ATP2B1: variants seen among roughly 807,000 people sequenced by gnomAD.
ATP2B1 encodes the protein plasma membrane calcium-transporting ATPase 1.
In ATP2B1, 14 loss-of-function variants were observed where a neutral mutation model predicts 124.2. That is an observed-to-expected ratio of 0.11 (90% CI 0.07 to 0.18). ATP2B1 has a LOEUF of 0.18. Among genes scored for constraint, ATP2B1 ranks in the 10% least tolerant of loss-of-function variants. The pLI is 1.00. For missense variants in ATP2B1, 763 were observed against 1,466.1 expected (o/e 0.52, Z 7.83); for synonymous variants, 449 against 492.4 (o/e 0.91, Z 1.17).
chr12:89,664,973 G>A (rs569166186), intron 1 of ATP2B1, among the ~76,000 whole-genome samples: 3 of 151,876 alleles, frequency 2.0e-5, no homozygotes, highest in Non-Finnish European at 4.4e-5. Context: ...TGGGATTACA[G>A]GCATGCACCA....
At chr12:89,652,336 G>T (rs550929861) in intron 2 of ATP2B1, among the ~76,000 whole-genome samples, 10 of 152,126 alleles carry the variant, frequency 6.6e-5, no homozygotes, top group Middle Eastern at 3.4e-3. Flanking sequence ...TAACTGCCAG[G>T]CCCCACCACC....
chr12:89,589,973 C>G lies in ATP2B1; in HGVS notation c.*1011G>C, dbSNP rs762169278. The G allele has an allele frequency of 2.0e-5, 3 of 152,416 alleles. No homozygotes were observed. Among genetic ancestry groups the G allele is most frequent in the Non-Finnish European group, 4.4e-5 (3 of 67,956 alleles). The allele number at this position is 152,416 out of a possible 1,614,324, so 9.4% of individuals were successfully genotyped here. On this transcript the variant is annotated 3_prime_UTR_variant, in exon 21 of 21. Transcript: ENST00000428670. ...TCAATACAGTTCACTCACAGTTCAC[C>G]AAGACATCACTAAACTAACATGTTT...
rs1482065631 is a variant in ATP2B1 at position 89,605,901 on chromosome 12, AT to A, written c.2443-1556del. On this transcript the variant is annotated intron_variant, in intron 15 of 20. Transcript: ENST00000428670. The stretch of plus-strand genomic sequence containing the variant: ...TTGGTAAGAGTGCTAAAGGTCTCTG[AT>A]GTATGAAACAGAGAATTTGGGGATG... Among the ~76,000 whole-genome samples the A allele has an allele frequency of 3.3e-5, 5 of 152,362 alleles. No individual in the cohort carries two copies. In the East Asian group the frequency reaches 9.6e-4, roughly 29 times the overall value.
At chr12:89,671,511 A>G (rs1393653183) in intron 1 of ATP2B1, among the ~76,000 whole-genome samples, 1 of 152,178 alleles carries the variant, frequency 6.6e-6, no homozygotes, top group African/African-American at 2.4e-5. Context: ...TACACTCTAC[A>G]TGGATCCTTT....
At chr12:89,672,651 TCTGA>T (rs1248252135) in intron 1 of ATP2B1, among the ~76,000 whole-genome samples, 1 of 152,154 alleles carries the variant, frequency 6.6e-6, no homozygotes, top group African/African-American at 2.4e-5. Context: ...TCTCTGTGTC[TCTGA>T]CTGGCTCCCC....
At chr12:89,612,512 C>T (rs549304627) in intron 12 of ATP2B1, among the ~76,000 whole-genome samples, 32 of 151,196 alleles carry the variant, frequency 2.1e-4, no homozygotes, top group Non-Finnish European at 3.4e-4. Flanking sequence ...GGAATGAGAC[C>T]CCAGTGTTAA....
chr12:89,637,555 C>T (rs776468013), intron 3 of ATP2B1, among the ~76,000 whole-genome samples: 43 of 152,056 alleles, frequency 2.8e-4, no homozygotes, highest in Non-Finnish European at 4.7e-4. Context: ...CATGCCACCA[C>T]GCCCAGCTCA....
chr12:89,627,893 C>T (rs1881150700), intron 6 of ATP2B1, among the ~76,000 whole-genome samples, 177 bp from the exon 7 acceptor site: 1 of 152,168 alleles, frequency 6.6e-6, no homozygotes, highest in Admixed American at 6.5e-5. Context: ...CTAAGTCTTA[C>T]CTACGGGAGA....
intron 1 of ATP2B1, among the ~76,000 whole-genome samples, chr12:89,658,598 G>GGAGAGAGAGAGAGAGAGAGAGAGAGA (rs67298800): frequency 1.0e-4 from 7 of 69,584 alleles, no homozygotes; most frequent in East Asian, 9.8e-4. Context: ...AATTCAAACA[G>GGAGAGAGAGAGAGAGAGAGAGAGAGA]GAGAGAGAGA....
At chr12:89,609,510 AT>A (rs1565813480) in intron 15 of ATP2B1, among the ~76,000 whole-genome samples, 1 of 152,228 alleles carries the variant, frequency 6.6e-6, no homozygotes, top group Admixed American at 6.5e-5. Flanking sequence ...AAGATTATAT[AT>A]AAAATGATGG....
chr12:89,623,796 A>G (rs1050169378), intron 9 of ATP2B1, among the ~76,000 whole-genome samples: 8 of 152,236 alleles, frequency 5.3e-5, no homozygotes, highest in African/African-American at 1.9e-4. Context: ...GGTTTTACAC[A>G]TGGAAATCAT....
At position 89,669,307 on chromosome 12, in the gene ATP2B1, G is replaced by T. The variant is rs576548871; in HGVS notation, c.-221-13200C>A. ...GTCACTTAACGGAACTGCAGAACGTGGCAATGATATTGAAGACAAACAGAT... is the reference window on the plus strand; with the variant it reads ...GTCACTTAACGGAACTGCAGAACGTTGCAATGATATTGAAGACAAACAGAT... On this transcript the variant is annotated intron_variant, in intron 1 of 20. Transcript: ENST00000428670. Among the ~76,000 whole-genome samples the T allele has an allele frequency of 1.3e-4, 20 of 152,262 alleles. No homozygotes were observed. In the South Asian group the frequency reaches 3.9e-3, roughly 30 times the overall value.
rs992847528 is a variant in ATP2B1 at position 89,708,736 on chromosome 12, G to C, written c.-362C>G. On this transcript the variant is annotated 5_prime_UTR_variant, in exon 1 of 21. Coordinates refer to ENST00000428670, the MANE Select transcript of ATP2B1 (RefSeq NM_001366521.1). ...CGTCCGCAGCCGGCTCGCAGGGCTC[G>C]GGGCGCCACGCGGAGGTGCAGCTGC... 3 of 152,026 alleles carry C rather than the reference G, an allele frequency of 2.0e-5. No individual in the cohort carries two copies. Among genetic ancestry groups the C allele is most frequent in the Non-Finnish European group, 4.4e-5 (3 of 68,008 alleles). The allele number at this position is 152,026 out of a possible 1,614,324, so 9.4% of individuals were successfully genotyped here. A position where few individuals can be genotyped will look rare whatever the true frequency, so the allele number is the denominator to read the frequency against.
Position 89,621,028 on chromosome 12 carries a change from G to T in ATP2B1, c.1587+521C>A, listed in dbSNP as rs187928450. Among the ~76,000 whole-genome samples, 124 of 152,214 alleles carry T rather than the reference G, an allele frequency of 8.1e-4. 1 individual carries two copies. The Middle Eastern group carries it at 0.017, about 21-fold the overall frequency. ...GTTATAAATAAGATTTTTAAAACTT[G>T]TAAGTTGAAAATTTTTTATTATATG... is the stretch of plus-strand genomic sequence containing the variant. On this transcript the variant is annotated intron_variant, in intron 10 of 20. Transcript: ENST00000428670.
intron 2 of ATP2B1, among the ~76,000 whole-genome samples, chr12:89,652,303 T>C (rs1008513108): frequency 2.5e-5 from 2 of 81,194 alleles, no homozygotes; most frequent in Non-Finnish European, 4.9e-5. Context: ...GATTTAATTA[T>C]ACACCAACAA....
At chr12:89,685,206 T>TC (rs1889819488) in intron 1 of ATP2B1, among the ~76,000 whole-genome samples, 1 of 18,366 alleles carries the variant, frequency 5.4e-5, no homozygotes, top group Non-Finnish European at 2.0e-4. Flanking sequence ...CTTAAGTTCC[T>TC]TATAATAAAG....
chr12:89,680,221 C>T (rs1889165856), intron 1 of ATP2B1, among the ~76,000 whole-genome samples: 2 of 152,036 alleles, frequency 1.3e-5, no homozygotes. Context: ...AAACAATCAC[C>T]CCCTGCCCCA....
chr12:89,610,552 C>A (rs769491285), intron 13 of ATP2B1, 44 bp from the exon 14 acceptor site: 6 of 1,492,790 alleles, frequency 4.0e-6, no homozygotes, highest in Admixed American at 3.4e-5. Flanking sequence ...AACATAGTTT[C>A]TTAAATCCTA....
chr12:89,664,929 G>A (rs924204420), intron 1 of ATP2B1, among the ~76,000 whole-genome samples: 1 of 150,108 alleles, frequency 6.7e-6, no homozygotes, highest in African/African-American at 2.5e-5. Flanking sequence ...TGCAACCTCC[G>A]CCTCCTGGGT....
Sources: allele counts gnomAD v4.1 joint callset (sites outside exome capture counted in the v4.1 genomes callset), GRCh38; gene constraint gnomAD v4.1.1; transcripts MANE v1.5; gene names NCBI Gene and HGNC (gene_info 2026-07-23, HGNC 2026-07-21).